RLN2: variants seen among roughly 807,000 people sequenced by gnomAD.
RLN2 encodes the protein prorelaxin H2.
Under a neutral mutation model 7.3 loss-of-function variants are expected in RLN2, and 10 were observed. The observed-to-expected ratio is 1.36, with a 90% CI of 0.84 to 2.31. RLN2 has a LOEUF of 2.31. RLN2 is among the 30% of genes most tolerant of loss of function. The pLI is 0.00. For missense variants in RLN2, 298 were observed against 217.6 expected (o/e 1.37, Z -2.32); for synonymous variants, 103 against 82.3 (o/e 1.25, Z -1.36).
the RLN2 span, chr9:5,335,661 CTG>C: frequency 1.2e-5 from 12 of 1,019,350 alleles, no homozygotes; most frequent in Middle Eastern, 2.6e-4. Flanking sequence ...TTCAGAAAAA[CTG>C]TGAATGTTTG....
the RLN2 span, among the ~76,000 whole-genome samples, chr9:5,321,060 G>A: frequency 1.3e-5 from 2 of 152,064 alleles, no homozygotes. Flanking sequence ...AACAATAAAG[G>A]CAAACATAAG....
chr9:5,325,161 G>A, the RLN2 span, among the ~76,000 whole-genome samples: 3 of 151,674 alleles, frequency 2.0e-5, no homozygotes, highest in African/African-American at 7.3e-5. Context: ...ATTATTTTGT[G>A]GGGACAGGTG....
upstream of RLN2, among the ~76,000 whole-genome samples, chr9:5,309,348 C>T (rs1816306971): frequency 6.6e-6 from 1 of 152,040 alleles, no homozygotes; most frequent in Non-Finnish European, 1.5e-5. Flanking sequence ...ACCCCTTCAG[C>T]TATTTCCCAT....
At chr9:5,327,415 G>A in the RLN2 span, among the ~76,000 whole-genome samples, 36 of 152,004 alleles carry the variant, frequency 2.4e-4, 1 homozygote, top group Non-Finnish European at 1.6e-4. Flanking sequence ...CAAACTGGGT[G>A]GAGTCCACCG....
chr9:5,323,474 T>G, the RLN2 span, among the ~76,000 whole-genome samples: 3 of 152,080 alleles, frequency 2.0e-5, no homozygotes, highest in Non-Finnish European at 2.9e-5. Context: ...TTACTTGTTC[T>G]TCCCTTTTAT....
At chr9:5,339,287 G>A in the RLN2 span, 1 of 364,076 alleles carries the variant, frequency 2.7e-6, no homozygotes. Context: ...GAACTCTCGG[G>A]TGAAGCAGCT....
At chr9:5,304,325 C>A (rs1404744910) in intron 1 of RLN2, 45 bp downstream of exon 1, 1 of 1,407,410 alleles carries the variant, frequency 7.1e-7, no homozygotes, top group Non-Finnish European at 9.7e-7. Context: ...CCCAGAGTAA[C>A]CAATGGGAAG....
chr9:5,302,859 A>T (rs1268329960), intron 1 of RLN2, among the ~76,000 whole-genome samples: 1 of 31,058 alleles, frequency 3.2e-5, no homozygotes, highest in Non-Finnish European at 5.1e-5. Context: ...AATGCAAAAG[A>T]TATATACATA....
the RLN2 span, among the ~76,000 whole-genome samples, chr9:5,319,771 T>G: frequency 6.6e-6 from 1 of 152,010 alleles, no homozygotes; most frequent in African/African-American, 2.4e-5. Flanking sequence ...GTTCTGACCA[T>G]CTCTCTGTGT....
chr9:5,326,811 A>C, the RLN2 span, among the ~76,000 whole-genome samples: 1 of 152,110 alleles, frequency 6.6e-6, no homozygotes, highest in Non-Finnish European at 1.5e-5. Flanking sequence ...ACAAATCAGA[A>C]TTAGTTGTAA....
At chr9:5,328,345 G>GAAGAC in the RLN2 span, among the ~76,000 whole-genome samples, 3 of 151,972 alleles carry the variant, frequency 2.0e-5, 1 homozygote, top group African/African-American at 7.3e-5. Flanking sequence ...AATAAAGTGA[G>GAAGAC]AAGACAAGAT....
chr9:5,320,399 G>T, the RLN2 span, among the ~76,000 whole-genome samples: 8 of 151,664 alleles, frequency 5.3e-5, no homozygotes, highest in Non-Finnish European at 7.4e-5. Context: ...GACACAGGGT[G>T]CCACTCTGTC....
the RLN2 span, among the ~76,000 whole-genome samples, chr9:5,331,347 T>G: frequency 6.6e-6 from 1 of 151,866 alleles, no homozygotes; most frequent in South Asian, 2.1e-4. Context: ...CCTCAATAAA[T>G]CACGCTACTA....
In RLN2 at chr9:5,300,176, C is replaced by CT. The variant is rs1563732429; in HGVS notation, c.479dup (p.Arg161GlufsTer9). 3 of 1,613,754 alleles carry CT rather than the reference C, an allele frequency of 1.9e-6. No individual in the cohort carries two copies. Among genetic ancestry groups the CT allele is most frequent in the South Asian group, 1.1e-5 (1 of 90,978 alleles). ...TAGCCAATGCACTGTAGAGTTGTCT[C>CT]TTTTTTCGAGAATGAGTATCCAAGC... is the stretch of plus-strand genomic sequence containing the variant. On this transcript the variant is annotated frameshift_variant, in exon 2 of 2. Coordinates refer to ENST00000381627, the MANE Select transcript of RLN2 (RefSeq NM_134441.3). LOFTEE classifies it low-confidence loss of function (END_TRUNC).
At chr9:5,335,712 T>A in the RLN2 span, 1 of 667,046 alleles carries the variant, frequency 1.5e-6, no homozygotes, top group Non-Finnish European at 2.5e-6. Flanking sequence ...CAATATAAAT[T>A]AAACATTGAA....
At chr9:5,307,198 T>C (rs932162777), upstream of RLN2, among the ~76,000 whole-genome samples, 1 of 151,856 alleles carries the variant, frequency 6.6e-6, no homozygotes, top group Non-Finnish European at 1.5e-5. Flanking sequence ...TTAAGGTTTT[T>C]CTGTTATTTA....
At chr9:5,325,457 T>C in the RLN2 span, among the ~76,000 whole-genome samples, 2 of 152,062 alleles carry the variant, frequency 1.3e-5, no homozygotes, top group South Asian at 2.1e-4. Context: ...AAATACACAA[T>C]AGAACAAACA....
At chr9:5,334,006 G>C in the RLN2 span, among the ~76,000 whole-genome samples, 1 of 151,892 alleles carries the variant, frequency 6.6e-6, no homozygotes, top group East Asian at 1.9e-4. Context: ...ACTAAGTATT[G>C]AAGGAACACA....
At chr9:5,302,068 T>A (rs534674257) in intron 1 of RLN2, among the ~76,000 whole-genome samples, 90 of 152,330 alleles carry the variant, frequency 5.9e-4, no homozygotes, top group Non-Finnish European at 1.2e-3. Context: ...AAGAAGCTGA[T>A]GGTAATTTTC....
Sources: allele counts gnomAD v4.1 joint callset (sites outside exome capture counted in the v4.1 genomes callset), GRCh38; gene constraint gnomAD v4.1.1; transcripts MANE v1.5; gene names NCBI Gene and HGNC (gene_info 2026-07-23, HGNC 2026-07-21).